The following RBFOX3 variants were observed in gnomAD, a reference collection of about 807,000 sequenced individuals.
RBFOX3 encodes the protein RNA binding fox-1 homolog 3.
In RBFOX3, 17 loss-of-function variants were observed where a neutral mutation model predicts 48.7. The ratio of observed to expected loss-of-function variants is 0.35; its 90% CI spans 0.24 to 0.52. The LOEUF is 0.52. RBFOX3 is among the 20% of genes least tolerant of loss of function. The pLI is 0.94. For synonymous variants in RBFOX3, 212 were observed against 209.5 expected, an observed-to-expected ratio of 1.01 and a Z score of -0.10; for missense variants, 382 against 497.5, an observed-to-expected ratio of 0.77 and a Z score of 2.21.
At chr17:79,337,158 G>C (rs549796401) in intron 2 of RBFOX3, among the ~76,000 whole-genome samples, 13 of 152,104 alleles carry the variant, frequency 8.5e-5, no homozygotes, top group African/African-American at 3.1e-4. Flanking sequence ...CGATAGTCCT[G>C]ACTCTCACAC....
intron 2 of RBFOX3, among the ~76,000 whole-genome samples, chr17:79,393,786 G>C (rs1366113375): frequency 6.6e-6 from 1 of 151,044 alleles, no homozygotes; most frequent in Non-Finnish European, 1.5e-5. Flanking sequence ...ATCAGAGCTG[G>C]TCATCATCAT....
chr17:79,469,762 C>A (rs2076826671), intron 2 of RBFOX3, among the ~76,000 whole-genome samples: 1 of 152,176 alleles, frequency 6.6e-6, no homozygotes, highest in Non-Finnish European at 1.5e-5. Flanking sequence ...ATGGGGAGGG[C>A]AGCTTGCTCA....
At chr17:79,468,968 ATGGATGGATGGATGGATG>A (rs2076704403) in intron 2 of RBFOX3, among the ~76,000 whole-genome samples, 1 of 150,854 alleles carries the variant, frequency 6.6e-6, no homozygotes, top group Non-Finnish European at 1.5e-5. Flanking sequence ...GGATGGATGG[ATGGATGGATGGATGGATG>A]GATAGCAGAT....
intron 1 of RBFOX3, among the ~76,000 whole-genome samples, chr17:79,581,538 G>A (rs2093060266): frequency 1.3e-5 from 2 of 152,240 alleles, no homozygotes; most frequent in African/African-American, 4.8e-5. Context: ...GTGAATCATG[G>A]CAACAGAAAC....
intron 4 of RBFOX3, among the ~76,000 whole-genome samples, chr17:79,181,169 G>A (rs1216825598): frequency 1.3e-5 from 2 of 152,226 alleles, no homozygotes; most frequent in Non-Finnish European, 2.9e-5. Context: ...AGACACTGAG[G>A]TTCAGAGTGG....
intron 5 of RBFOX3, among the ~76,000 whole-genome samples, chr17:79,112,788 A>C (rs1203859480): frequency 6.6e-6 from 1 of 151,846 alleles, no homozygotes; most frequent in South Asian, 2.1e-4. Flanking sequence ...AGCAGAAGGA[A>C]GTCCCCTTGG....
chr17:79,189,571 T>C (rs541514540), intron 4 of RBFOX3, among the ~76,000 whole-genome samples: 2 of 152,352 alleles, frequency 1.3e-5, no homozygotes, highest in South Asian at 4.1e-4. Context: ...TCTTTCTCAT[T>C]AGGCAGGAGG....
intron 3 of RBFOX3, among the ~76,000 whole-genome samples, chr17:79,289,665 T>C (rs1016119770): frequency 6.6e-6 from 1 of 152,238 alleles, no homozygotes; most frequent in Non-Finnish European, 1.5e-5. Flanking sequence ...TTTGGCATCA[T>C]CTTTAAAGCT....
chr17:79,463,880 C>T (rs529179461), intron 2 of RBFOX3, among the ~76,000 whole-genome samples: 2 of 151,076 alleles, frequency 1.3e-5, no homozygotes, highest in Non-Finnish European at 2.9e-5. Flanking sequence ...ACTGCCACTG[C>T]CACCACCATC....
chr17:79,258,689 C>A (rs1448800718), intron 3 of RBFOX3, among the ~76,000 whole-genome samples: 2 of 152,202 alleles, frequency 1.3e-5, no homozygotes, highest in East Asian at 3.8e-4. Flanking sequence ...GATGGACAGG[C>A]CCTTTGGAAG....
chr17:79,463,663 C>A (rs565230862), intron 2 of RBFOX3, among the ~76,000 whole-genome samples: 5 of 136,830 alleles, frequency 3.7e-5, no homozygotes, highest in African/African-American at 1.3e-4. Context: ...CCATCGCCAC[C>A]GCCACCTCCA....
Position 79,097,435 on chromosome 17 carries a change from C to T in RBFOX3, c.623-11G>A. 1 of 1,539,632 alleles carries T rather than the reference C, an allele frequency of 6.5e-7. No homozygotes were observed. The highest frequency in any genetic ancestry group is 8.8e-7 in the Non-Finnish European group (1 of 1,140,886). The stretch of plus-strand genomic sequence containing the variant: ...AGGGGAACCCCGTCACTGCAGGAAA[C>T]GGGGCCCGAGACACGTGTGAGAGGC... On this transcript the variant is annotated splice_polypyrimidine_tract_variant and intron_variant, in intron 10 of 14. Coordinates refer to ENST00000693108, the MANE Select transcript of RBFOX3 (RefSeq NM_001350451.2).
At chr17:79,463,034 A>G (rs35375179) in intron 2 of RBFOX3, among the ~76,000 whole-genome samples, 20,235 of 117,492 alleles carry the variant, frequency 0.17, 1,705 homozygotes, top group Middle Eastern at 0.27. Flanking sequence ...CACCTCCACC[A>G]CCATCGCCAC....
In RBFOX3 at chr17:79,442,237, GAGAGAGAGAGAGAGAGAGAGAGAGAGAGA is replaced by G. The variant is rs2071123956; in HGVS notation, c.-175+40188_-175+40216del. ...GGGGAGAGAGAGAGAGAGAGAGAGAGAGAGAGAGAGAGAGAGAGAGAGAGAGAGAGAGAGAGAGAGAGAGGGAGAGAGGG... is the reference window on the plus strand; with the variant it reads ...GGGGAGAGAGAGAGAGAGAGAGAGAGGAGAGAGAGAGAGAGGGAGAGAGGG... On this transcript the variant is annotated intron_variant, in intron 2 of 14. Transcript: ENST00000693108. Among the ~76,000 whole-genome samples the G allele has an allele frequency of 2.7e-4, 2 of 7,410 alleles. 1 individual carries two copies. The highest frequency in any genetic ancestry group is 1.2e-3 in the African/African-American group (2 of 1,658). 4.9% of individuals were successfully genotyped at this position (7,410 alleles called of 152,430 possible). A position where few individuals can be genotyped will look rare whatever the true frequency, so the allele number is the denominator to read the frequency against.
rs1440766388 is a variant in RBFOX3 at position 79,205,936 on chromosome 17, T to C, written c.-34+29830A>G. Among the ~76,000 whole-genome samples the C allele has an allele frequency of 6.6e-6, 1 of 152,010 alleles. No homozygotes were observed. The highest frequency in any genetic ancestry group is 1.9e-4 in the East Asian group (1 of 5,200). Reference sequence around the variant, plus strand: ...TGCAAGGCTGCAATCATTCTCTTGCTCTTTTCCACAATATAGTCTGCAGGG... The same window carrying C: ...TGCAAGGCTGCAATCATTCTCTTGCCCTTTTCCACAATATAGTCTGCAGGG... On this transcript the variant is annotated intron_variant, in intron 4 of 14. Transcript: ENST00000693108. The surrounding 1 kb of genome is among the most constrained non-coding windows in gnomAD (Gnocchi z 4.5).
At chr17:79,172,319 C>T (rs1047965876) in intron 4 of RBFOX3, among the ~76,000 whole-genome samples, 1 of 151,970 alleles carries the variant, frequency 6.6e-6, no homozygotes, top group African/African-American at 2.4e-5. Flanking sequence ...TTATGAAAAC[C>T]ATGACTACAT....
chr17:79,467,558 G>A (rs1434766649), intron 2 of RBFOX3, among the ~76,000 whole-genome samples: 1 of 152,196 alleles, frequency 6.6e-6, no homozygotes, highest in East Asian at 1.9e-4. Context: ...GCCACCCCCT[G>A]CTCTGCCTGC....
At chr17:79,192,088 T>A (rs940540554) in intron 4 of RBFOX3, among the ~76,000 whole-genome samples, 1 of 152,092 alleles carries the variant, frequency 6.6e-6, no homozygotes, top group African/African-American at 2.4e-5. Flanking sequence ...CCCTACCGTC[T>A]CCTCCCTCTT....
At chr17:79,282,447 G>C (rs2070779222) in intron 3 of RBFOX3, among the ~76,000 whole-genome samples, 1 of 152,224 alleles carries the variant, frequency 6.6e-6, no homozygotes, top group African/African-American at 2.4e-5. Flanking sequence ...AAAATGACGA[G>C]AGTGAATTGG....
Sources: gnomAD v4.1 joint callset for allele counts (sites outside exome capture counted in the v4.1 genomes callset) on GRCh38, gnomAD v4.1.1 for gene constraint, Gnocchi (gnomAD v3.1) non-coding constraint, MANE v1.5 for transcripts, NCBI Gene and HGNC (gene_info 2026-07-23, HGNC 2026-07-21) for gene names.